HIVEP3: variants seen among roughly 807,000 people sequenced by gnomAD.
The protein encoded by HIVEP3 is transcription factor HIVEP3.
In HIVEP3, 49 loss-of-function variants were observed where a neutral mutation model predicts 152.8. The observed-to-expected ratio is 0.32, with a 90% confidence interval of 0.26 to 0.41. The LOEUF (loss-of-function observed/expected upper bound fraction) is 0.41, where lower values mean the gene tolerates loss of function less well. HIVEP3 is among the 10% of genes least tolerant of loss of function. The pLI is 1.00. For synonymous variants in HIVEP3, 1,269 were observed against 1,289.0 expected, an observed-to-expected ratio of 0.98 and a Z score of 0.33; for missense variants, 2,790 against 3,103.3, an observed-to-expected ratio of 0.90 and a Z score of 2.40.
chr1:41,529,516 G>A (rs1271342707), intron 5 of HIVEP3, among the ~76,000 whole-genome samples: 2 of 85,278 alleles, frequency 2.3e-5, no homozygotes, highest in Admixed American at 3.1e-4. Flanking sequence ...TCACACTTAT[G>A]CTGACACCCC....
At chr1:41,750,742 A>C (rs1233697865) in intron 1 of HIVEP3, among the ~76,000 whole-genome samples, 2 of 146,648 alleles carry the variant, frequency 1.4e-5, no homozygotes, top group African/African-American at 5.0e-5. Flanking sequence ...TCTGTCGCCC[A>C]GGCTGGAGTG....
chr1:42,014,795 C>G (rs1645512562), intron 1 of HIVEP3, among the ~76,000 whole-genome samples: 1 of 152,046 alleles, frequency 6.6e-6, no homozygotes, highest in African/African-American at 2.4e-5. Flanking sequence ...AAGAATTTTC[C>G]CTCAAATTTA....
At chr1:41,573,411 G>T (rs1271809749) in intron 5 of HIVEP3, among the ~76,000 whole-genome samples, 2 of 152,194 alleles carry the variant, frequency 1.3e-5, no homozygotes, top group Non-Finnish European at 2.9e-5. Flanking sequence ...GAATGTAGAA[G>T]AATCACCAGA....
At chr1:41,545,077 T>TCACTACTACCACCAC (rs1643708025) in intron 5 of HIVEP3, among the ~76,000 whole-genome samples, 2 of 35,056 alleles carry the variant, frequency 5.7e-5, no homozygotes, top group Non-Finnish European at 1.2e-4. Context: ...ACCACCAACA[T>TCACTACTACCACCAC]CACCACCTCT....
intron 5 of HIVEP3, among the ~76,000 whole-genome samples, chr1:41,528,209 A>ACT: frequency 1.1e-5 from 1 of 91,510 alleles, no homozygotes; most frequent in African/African-American, 4.4e-5. Flanking sequence ...CCCTGCCCTC[A>ACT]CACCTTCACA....
chr1:41,805,836 T>G (rs980308353), intron 1 of HIVEP3, among the ~76,000 whole-genome samples: 9 of 152,128 alleles, frequency 5.9e-5, no homozygotes, highest in African/African-American at 2.2e-4. Context: ...GAGCACCTCT[T>G]TTGGGGGTCT....
chr1:41,796,588 A>T (rs1046629979), intron 1 of HIVEP3, among the ~76,000 whole-genome samples: 1 of 152,276 alleles, frequency 6.6e-6, no homozygotes, highest in African/African-American at 2.4e-5. Flanking sequence ...AGTTTGGCAC[A>T]TGCCAGGGCC....
intron 3 of HIVEP3, among the ~76,000 whole-genome samples, chr1:41,605,365 A>ACGCG (rs1196821396): frequency 1.6e-5 from 2 of 124,390 alleles, no homozygotes; most frequent in African/African-American, 6.6e-5. Flanking sequence ...ACATACACAC[A>ACGCG]CGCACACGCG....
At chr1:41,655,068 A>G (rs995373586) in intron 2 of HIVEP3, among the ~76,000 whole-genome samples, 3 of 152,180 alleles carry the variant, frequency 2.0e-5, no homozygotes, top group African/African-American at 7.2e-5. Flanking sequence ...AACGATTATC[A>G]TTAAGCATAT....
intron 1 of HIVEP3, among the ~76,000 whole-genome samples, chr1:41,976,731 A>C (rs1645261253): frequency 6.6e-6 from 1 of 152,180 alleles, no homozygotes; most frequent in African/African-American, 2.4e-5. Flanking sequence ...TGGGCCCCTA[A>C]TCCAATATGA....
At chr1:41,821,552 T>C (rs577208999) in intron 1 of HIVEP3, among the ~76,000 whole-genome samples, 2 of 152,264 alleles carry the variant, frequency 1.3e-5, no homozygotes, top group South Asian at 4.1e-4. Flanking sequence ...ATACTATAAG[T>C]TGAACTGAGA....
At chr1:41,983,733 T>C (rs1645307000) in intron 1 of HIVEP3, among the ~76,000 whole-genome samples, 1 of 152,106 alleles carries the variant, frequency 6.6e-6, no homozygotes, top group Non-Finnish European at 1.5e-5. Context: ...TCCACCTCTT[T>C]CTCAGCTGAG....
chr1:42,015,509 C>T (rs75570245), intron 1 of HIVEP3, among the ~76,000 whole-genome samples: 345 of 152,340 alleles, frequency 2.3e-3, no homozygotes, highest in African/African-American at 7.8e-3. Context: ...TAAGGAACCA[C>T]GGACATCTGC....
At chr1:41,553,137 C>T (rs1220481173) in intron 5 of HIVEP3, among the ~76,000 whole-genome samples, 4 of 152,024 alleles carry the variant, frequency 2.6e-5, no homozygotes, top group African/African-American at 9.7e-5. Flanking sequence ...GAGTCTAAGT[C>T]TCTTTGTAGG....
At chr1:41,635,831 CTG>C (rs928718537) in intron 2 of HIVEP3, among the ~76,000 whole-genome samples, 1 of 151,980 alleles carries the variant, frequency 6.6e-6, no homozygotes, top group Non-Finnish European at 1.5e-5. Context: ...TGATACATAA[CTG>C]TGTCAATGAA....
chr1:41,635,325 G>A (rs1645252101), intron 2 of HIVEP3, among the ~76,000 whole-genome samples: 2 of 152,108 alleles, frequency 1.3e-5, no homozygotes, highest in South Asian at 4.1e-4. Context: ...ACAAAGCTTA[G>A]ATGTTTTCAT....
chr1:41,581,421 T>C lies in HIVEP3; in HGVS notation c.3377A>G (p.His1126Arg). Residue 1126 changes from histidine to arginine, a missense_variant, in exon 4 of 9, where the codon CAC becomes CGC. Coordinates refer to ENST00000372583, the MANE Select transcript of HIVEP3 (RefSeq NM_024503.5). This position sits in a 1 kb window ranked among gnomAD's most constrained non-coding sequence, Gnocchi z 4.5. ...PYTEALQVFH[H>R]PVAQTPLHEK... The stretch of plus-strand genomic sequence containing the variant: ...ATGCAGGGGTGTCTGGGCAACGGGG[T>C]GGTGGAACACTTGCAGTGCTTCTGT... 1 of 1,596,458 alleles carries C rather than the reference T, an allele frequency of 6.3e-7. No individual in the cohort carries two copies. Among genetic ancestry groups the C allele is most frequent in the Non-Finnish European group, 8.5e-7 (1 of 1,171,896 alleles).
intron 5 of HIVEP3, among the ~76,000 whole-genome samples, chr1:41,525,322 C>A (rs189319204): frequency 6.6e-6 from 1 of 152,220 alleles, no homozygotes; most frequent in Non-Finnish European, 1.5e-5. Context: ...CTCGGGCAGC[C>A]GCCATTCACC....
At chr1:41,814,697 A>G (rs1335206037) in intron 1 of HIVEP3, among the ~76,000 whole-genome samples, 1 of 152,252 alleles carries the variant, frequency 6.6e-6, no homozygotes, top group Non-Finnish European at 1.5e-5. Flanking sequence ...TTTGCAACTG[A>G]AAGCTTTATT....
Sources: gnomAD v4.1 joint callset for allele counts (sites outside exome capture counted in the v4.1 genomes callset) on GRCh38, gnomAD v4.1.1 for gene constraint, Gnocchi (gnomAD v3.1) non-coding constraint, MANE v1.5 for transcripts, NCBI Gene and HGNC (gene_info 2026-07-23, HGNC 2026-07-21) for gene names.